Variants in CDH20 observed in about 807,000 individuals in gnomAD.
CDH20 encodes cadherin 20.
Under a neutral mutation model 74.2 loss-of-function variants are expected in CDH20, and 29 were observed. That is an observed-to-expected ratio of 0.39 (90% CI 0.29 to 0.53). The LOEUF (loss-of-function observed/expected upper bound fraction) is 0.53. CDH20 is among the 20% of genes least tolerant of loss of function. The probability of loss-of-function intolerance (pLI) is 0.69; values close to 1 mark genes in which losing one functional copy is unlikely to be tolerated. For missense variants in CDH20, 988 were observed against 1,048.3 expected, an observed-to-expected ratio of 0.94 and a Z score of 0.79; for synonymous variants, 469 against 405.4, an observed-to-expected ratio of 1.16 and a Z score of -1.88.
chr18:61,390,380 A>G (rs1911740099), intron 1 of CDH20, among the ~76,000 whole-genome samples: 1 of 152,216 alleles, frequency 6.6e-6, no homozygotes, highest in East Asian at 1.9e-4. Context: ...TATTTGAAAA[A>G]ATTTGTAATG....
At chr18:61,554,101 C>T in intron 11 of CDH20, 89 bp from the exon 12 acceptor site, 18 of 1,488,056 alleles carry the variant, frequency 1.2e-5, no homozygotes, top group Non-Finnish European at 1.6e-5. Flanking sequence ...AGCCCTTCCC[C>T]TATCCGTGGT....
At chr18:61,350,147 C>T (rs1034878471) in intron 1 of CDH20, among the ~76,000 whole-genome samples, 10 of 152,060 alleles carry the variant, frequency 6.6e-5, no homozygotes, top group Admixed American at 5.9e-4. Context: ...TGCTAAACTG[C>T]CTGTATACTA....
chr18:61,499,176 C>T lies in CDH20; in HGVS notation c.247-10C>T. The T allele has an allele frequency of 6.6e-7, 1 of 1,521,024 alleles. No homozygotes were observed. Among genetic ancestry groups the T allele is most frequent in the Admixed American group, 2.1e-5 (1 of 46,626 alleles). 94.2% of individuals were successfully genotyped at this position (1,521,024 alleles called of 1,614,324 possible). A position where few individuals can be genotyped will look rare whatever the true frequency, so the allele number is the denominator to read the frequency against. ...ATTCATGATGAGAATTAGGTGCTTTCCTCTCCCAGCTTCATTCAGATATGG... is the reference window on the plus strand; with the variant it reads ...ATTCATGATGAGAATTAGGTGCTTTTCTCTCCCAGCTTCATTCAGATATGG... On this transcript the variant is annotated splice_polypyrimidine_tract_variant and intron_variant, in intron 2 of 11. Transcript: ENST00000262717.
chr18:61,548,254 GAC>G (rs1281012058), intron 10 of CDH20, among the ~76,000 whole-genome samples: 1 of 152,088 alleles, frequency 6.6e-6, no homozygotes, highest in Non-Finnish European at 1.5e-5. Context: ...AATTTTTTTT[GAC>G]AGTTAATATT....
chr18:61,423,537 C>T (rs1912963315), intron 1 of CDH20, among the ~76,000 whole-genome samples: 1 of 152,134 alleles, frequency 6.6e-6, no homozygotes, highest in Non-Finnish European at 1.5e-5. Context: ...CAAGATTAAG[C>T]ATCTATTAAG....
At chr18:61,550,291 C>G in intron 11 of CDH20, 62 bp downstream of exon 11, 1 of 1,559,994 alleles carries the variant, frequency 6.4e-7, no homozygotes, top group African/African-American at 1.4e-5. Context: ...GACATTTGTT[C>G]ATTACCTTCC....
At chr18:61,432,687 C>T (rs1913296919) in intron 1 of CDH20, among the ~76,000 whole-genome samples, 1 of 152,182 alleles carries the variant, frequency 6.6e-6, no homozygotes. Context: ...GGGGTGATGG[C>T]ACAGAGCTGT....
chr18:61,514,580 T>A (rs371661623), intron 6 of CDH20, among the ~76,000 whole-genome samples: 1 of 149,008 alleles, frequency 6.7e-6, no homozygotes, highest in South Asian at 2.2e-4. Context: ...GGCGCTCTGC[T>A]TTTTAGAGTT....
At chr18:61,334,378 G>C (rs886066850) in intron 1 of CDH20, 26 of 152,404 alleles carry the variant, frequency 1.7e-4, no homozygotes, top group Non-Finnish European at 7.3e-5. Flanking sequence ...GCCGGAGCTC[G>C]GCTGTGGGAG....
At position 61,438,247 on chromosome 18, in the gene CDH20, T is replaced by C. The variant is rs539611028; in HGVS notation, c.-152-52155T>C. ...TCCCCTTGACTCCTCTGACAATGAGTGTTTCTAAGGAACATAACAAATTTC... is the reference window on the plus strand; with the variant it reads ...TCCCCTTGACTCCTCTGACAATGAGCGTTTCTAAGGAACATAACAAATTTC... On this transcript the variant is annotated intron_variant, in intron 1 of 11. Coordinates refer to ENST00000262717, the MANE Select transcript of CDH20 (RefSeq NM_031891.4). 2.6e-4 allele frequency among the ~76,000 whole-genome samples: 40 copies of C among 152,286 alleles called. 1 individual carries two copies. In the South Asian group the frequency reaches 8.3e-3, roughly 32 times the overall value.
At chr18:61,523,363 G>A (rs1233351) in intron 6 of CDH20, among the ~76,000 whole-genome samples, 136,955 of 152,244 alleles carry the variant, frequency 0.9, 62,127 homozygotes, top group East Asian at 0.99. Context: ...GAACTATATT[G>A]AGATACCATC....
intron 1 of CDH20, among the ~76,000 whole-genome samples, chr18:61,361,051 G>T (rs1288082970): frequency 6.6e-6 from 1 of 152,178 alleles, no homozygotes; most frequent in Non-Finnish European, 1.5e-5. Flanking sequence ...CAATTAATTT[G>T]ATTATCATTC....
chr18:61,458,567 A>G (rs987593568), intron 1 of CDH20, among the ~76,000 whole-genome samples: 4 of 152,212 alleles, frequency 2.6e-5, no homozygotes, highest in African/African-American at 9.6e-5. Context: ...GTAGGCAGCA[A>G]TAGAGCCTCC....
chr18:61,378,001 G>T (rs749362756), intron 1 of CDH20, among the ~76,000 whole-genome samples: 26 of 152,068 alleles, frequency 1.7e-4, no homozygotes, highest in Non-Finnish European at 2.8e-4. Flanking sequence ...GAAAGTCTGT[G>T]GGGGACCCAG....
chr18:61,370,237 T>C (rs1412592934), intron 1 of CDH20, among the ~76,000 whole-genome samples: 1 of 152,090 alleles, frequency 6.6e-6, no homozygotes, highest in Non-Finnish European at 1.5e-5. Flanking sequence ...TGAAACAATA[T>C]CAAGTTTCCC....
chr18:61,408,807 A>C (rs550297190), intron 1 of CDH20, among the ~76,000 whole-genome samples: 3 of 152,228 alleles, frequency 2.0e-5, no homozygotes, highest in Non-Finnish European at 4.4e-5. Flanking sequence ...AAACAAAAAA[A>C]CCCACCACCT....
intron 1 of CDH20, among the ~76,000 whole-genome samples, chr18:61,455,559 G>T (rs1435497345): frequency 6.6e-6 from 1 of 151,144 alleles, no homozygotes; most frequent in Non-Finnish European, 1.5e-5. Flanking sequence ...CCACTGGAAG[G>T]TCATATTCTC....
intron 7 of CDH20, among the ~76,000 whole-genome samples, chr18:61,534,343 G>C (rs1189917318): frequency 2.6e-5 from 4 of 152,166 alleles, no homozygotes; most frequent in African/African-American, 9.7e-5. Context: ...AAACTAAAAA[G>C]AGAATTACCA....
At chr18:61,540,028 A>G (rs1266272766) in intron 9 of CDH20, among the ~76,000 whole-genome samples, 6 of 152,056 alleles carry the variant, frequency 3.9e-5, no homozygotes, top group Non-Finnish European at 5.9e-5. Flanking sequence ...AACATCTGGA[A>G]CTCCATTTGG....
Sources: allele counts gnomAD v4.1 joint callset (sites outside exome capture counted in the v4.1 genomes callset), GRCh38; gene constraint gnomAD v4.1.1; transcripts MANE v1.5; gene names NCBI Gene and HGNC (gene_info 2026-07-23, HGNC 2026-07-21).